The following IQGAP3 variants were observed in gnomAD, a reference collection of about 807,000 sequenced individuals.
The protein encoded by IQGAP3 is ras GTPase-activating-like protein IQGAP3.
In IQGAP3, 165 loss-of-function variants were observed where a neutral mutation model predicts 208.2. The observed-to-expected ratio is 0.79, with a 90% CI of 0.70 to 0.90. The LOEUF is 0.90. Ranked by LOEUF, IQGAP3 falls within the 40% of genes least tolerant of loss-of-function variation. The pLI is 0.00. For missense variants in IQGAP3, 1,811 were observed against 2,043.1 expected, an observed-to-expected ratio of 0.89 and a Z score of 2.19; for synonymous variants, 703 against 803.6, an observed-to-expected ratio of 0.87 and a Z score of 2.12.
chr1:156,533,157 GCACACACACATACA>G (rs768450400), intron 31 of IQGAP3, 51 bp from the exon 32 acceptor site: 384 of 1,599,666 alleles, frequency 2.4e-4, no homozygotes, highest in Middle Eastern at 5.0e-4. Context: ...ACACACATGC[GCACACACACATACA>G]CACACACACA....
chr1:156,564,546 T>G, intron 5 of IQGAP3, 69 bp downstream of exon 5: 1 of 993,630 alleles, frequency 1.0e-6, no homozygotes, highest in Non-Finnish European at 1.6e-6. Context: ...TCTTGCTGAG[T>G]TTGTTGTTGT....
At chr1:156,562,327 G>GC (rs5777988) in intron 9 of IQGAP3, among the ~76,000 whole-genome samples, 17,007 of 150,058 alleles carry the variant, frequency 0.11, 1,429 homozygotes, top group East Asian at 0.42. Flanking sequence ...CAGTCCAACT[G>GC]CCCCCCCGGC....
intron 36 of IQGAP3, among the ~76,000 whole-genome samples, 171 bp downstream of exon 36, chr1:156,528,338 C>A (rs772526228): frequency 5.3e-5 from 8 of 152,226 alleles, no homozygotes; most frequent in Non-Finnish European, 1.2e-4. Context: ...TAGACCATGT[C>A]CACAGCCCTT....
Position 156,551,783 on chromosome 1 carries a change from A to C in IQGAP3, c.1656T>G (p.Ala552=). 1 of 1,614,082 alleles carries C rather than the reference A, an allele frequency of 6.2e-7. No individual in the cohort carries two copies. Residue 552 remains alanine (A), a synonymous_variant, in exon 15 of 38, where the codon GCT becomes GCG. Transcript: ENST00000361170. ...KTLSALLLPA[A]GLDDVSLPVA... is the part of the protein sequence containing the mutation. ...CAGGGAGGCTGACATCATCTAGGCC[A>C]GCTGCAGGAAGCAGTAGGGCAGACA...
chr1:156,564,769 T>C (rs1676327105), intron 4 of IQGAP3, 78 bp from the exon 5 acceptor site: 2 of 991,454 alleles, frequency 2.0e-6, no homozygotes, highest in Non-Finnish European at 1.6e-6. Context: ...TGCCGAGGAA[T>C]GGGTCTTCCT....
chr1:156,530,353 T>A, intron 33 of IQGAP3, 36 bp from the exon 34 acceptor site: 1 of 1,563,234 alleles, frequency 6.4e-7, no homozygotes, highest in Non-Finnish European at 8.7e-7. Context: ...GTCTACCAGG[T>A]CCTACCATTC....
intron 13 of IQGAP3, among the ~76,000 whole-genome samples, chr1:156,552,398 C>G (rs1034449168): frequency 1.3e-5 from 2 of 152,148 alleles, no homozygotes; most frequent in African/African-American, 4.8e-5. Context: ...ACCTCCAGCC[C>G]ATTCATTTAT....
chr1:156,543,923 T>A, intron 22 of IQGAP3, 58 bp downstream of exon 22: 1 of 1,472,670 alleles, frequency 6.8e-7, no homozygotes, highest in Non-Finnish European at 9.5e-7. Context: ...TAGACCTGCC[T>A]GGCTCTGTGG....
rs1184621385 is a variant in IQGAP3 at position 156,538,836 on chromosome 1, T to C, written c.3254A>G (p.Gln1085Arg). ...GCGCTGCCCTGTCTGGGCCTCAGTC[T>C]GGTTGATCCAGTTCTTATAGAGGTG... is the stretch of plus-strand genomic sequence containing the variant. ...PVHLYKNWIN[Q>R]TEAQTGQRSH... Residue 1085 changes from glutamine to arginine, a missense_variant, in exon 26 of 38, where the codon CAG becomes CGG. Physicochemically the swap from Gln to Arg is conservative, Grantham distance 43. Transcript: ENST00000361170. 1.2e-6 allele frequency: 2 copies of C among 1,614,082 alleles called. No homozygotes were observed. Among genetic ancestry groups the C allele is most frequent in the African/African-American group, 1.3e-5 (1 of 74,928 alleles).
Position 156,544,417 on chromosome 1 carries a change from A to C in IQGAP3, c.2360T>G (p.Phe787Cys), listed in dbSNP as rs1675135507. ...GATTATGGCATCCAGGTTTGCTTTA[A>C]AATACTGCAACCACTCCAGGTAAAT... ...RKIYLEWLQY[F>C]KANLDAIIKI... Residue 787 changes from phenylalanine (F) to cysteine (C), a missense_variant, in exon 20 of 38, where the codon TTT (phenylalanine) becomes TGT (cysteine). Physicochemically the swap from Phe to Cys is radical, Grantham distance 205. Transcript: ENST00000361170. 1.2e-6 allele frequency: 2 copies of C among 1,614,104 alleles called. No homozygotes were observed. The highest frequency in any genetic ancestry group is 1.7e-6 in the Non-Finnish European group (2 of 1,179,968).
chr1:156,532,290 G>A (rs890651760), intron 32 of IQGAP3, among the ~76,000 whole-genome samples: 6 of 151,506 alleles, frequency 4.0e-5, no homozygotes, highest in Admixed American at 2.0e-4. Context: ...AGGAGGCTGA[G>A]GCAGGAGAAT....
rs745414553 is a variant in IQGAP3 at position 156,534,098 on chromosome 1, G to T, written c.3784C>A (p.Arg1262Ser). Residue 1262 changes from arginine (R) to serine (S), a missense_variant, in exon 30 of 38, where the codon CGT becomes AGT. Transcript: ENST00000361170. ...RACQVPEPEE[R>S]FAVDEYSDMV... The stretch of plus-strand genomic sequence containing the variant: ...TCTGAGTACTCGTCCACTGCAAAAC[G>T]CTCCTCTGGCTCTGGCACCTGGCAG... 1 of 1,613,948 alleles carries T rather than the reference G, an allele frequency of 6.2e-7. No homozygotes were observed. The highest frequency in any genetic ancestry group is 1.1e-5 in the South Asian group (1 of 91,080).
At position 156,535,178 on chromosome 1, in the gene IQGAP3, G is replaced by A. The variant is rs980502581; in HGVS notation, c.3492C>T (p.Asp1164=). 3.7e-6 allele frequency: 6 copies of A among 1,613,332 alleles called. No individual in the cohort carries two copies. Among genetic ancestry groups the A allele is most frequent in the Non-Finnish European group, 5.1e-6 (6 of 1,179,510 alleles). Residue 1164 remains aspartate, a synonymous_variant, in exon 28 of 38, where the codon GAC becomes GAT. Coordinates refer to ENST00000361170, the MANE Select transcript of IQGAP3 (RefSeq NM_178229.5). Reference sequence around the variant, plus strand: ...CAACACTTGCCTTATAGACCTCGCTGTCTGTGGCGTCAGGGAATTTCTCTG... The same window carrying A: ...CAACACTTGCCTTATAGACCTCGCTATCTGTGGCGTCAGGGAATTTCTCTG... ...TLAEKFPDAT[D]SEVYKVVGNL...
At chr1:156,569,644 G>T (rs574009644) in intron 1 of IQGAP3, among the ~76,000 whole-genome samples, 181 bp from the exon 2 acceptor site, 1 of 135,920 alleles carries the variant, frequency 7.4e-6, no homozygotes, top group Non-Finnish European at 1.5e-5. Context: ...TCAGCCTCCC[G>T]AGTAGCTGGG....
At chr1:156,559,854 T>C (rs1009387438) in intron 11 of IQGAP3, among the ~76,000 whole-genome samples, 3 of 152,090 alleles carry the variant, frequency 2.0e-5, no homozygotes, top group South Asian at 2.1e-4. Context: ...GGCTAAATAA[T>C]GGAAGAACCC....
intron 31 of IQGAP3, among the ~76,000 whole-genome samples, chr1:156,533,343 C>A (rs1045252524): frequency 6.6e-6 from 1 of 152,100 alleles, no homozygotes; most frequent in Non-Finnish European, 1.5e-5. Flanking sequence ...GCTGTGCCAC[C>A]CCCACACCCT....
At chr1:156,556,384 C>G in intron 12 of IQGAP3, 149 bp downstream of exon 12, 1 of 689,278 alleles carries the variant, frequency 1.5e-6, no homozygotes, top group Non-Finnish European at 2.4e-6. Context: ...AAAATACGCT[C>G]AGTAAGGCAG....
chr1:156,546,912 A>G (rs1414452438), intron 19 of IQGAP3, among the ~76,000 whole-genome samples: 1 of 152,152 alleles, frequency 6.6e-6, no homozygotes, highest in Non-Finnish European at 1.5e-5. Flanking sequence ...GTCTGACATC[A>G]AGTGTACTCC....
chr1:156,545,423 C>T lies in IQGAP3; in HGVS notation c.2305-951G>A, dbSNP rs72996628. Among the ~76,000 whole-genome samples, 396 of 152,172 alleles carry T rather than the reference C, an allele frequency of 2.6e-3. 2 individuals carry two copies. The highest frequency in any genetic ancestry group is 9.1e-3 in the African/African-American group (376 of 41,512). The stretch of plus-strand genomic sequence containing the variant: ...GATCCTAGATGCATCAGACTTTTCA[C>T]TTTCTTGTAAACATGCCTTATGGTT... On this transcript the variant is annotated intron_variant, in intron 19 of 37. Transcript: ENST00000361170.
Sources: allele counts gnomAD v4.1 joint callset (sites outside exome capture counted in the v4.1 genomes callset), GRCh38; gene constraint gnomAD v4.1.1; transcripts MANE v1.5; gene names NCBI Gene and HGNC (gene_info 2026-07-23, HGNC 2026-07-21).